The following DTX4 variants were observed in gnomAD, a reference collection of about 807,000 sequenced individuals.
DTX4 encodes the protein E3 ubiquitin-protein ligase DTX4.
In DTX4, 28 loss-of-function variants were observed where a neutral mutation model predicts 57.6. That is an observed-to-expected ratio of 0.49 (90% CI 0.36 to 0.67). The LOEUF (loss-of-function observed/expected upper bound fraction) is 0.67, where lower values mean the gene tolerates loss of function less well. Ranked by LOEUF, DTX4 falls within the 30% of genes least tolerant of loss-of-function variation. The probability of loss-of-function intolerance (pLI) is 0.00; values close to 1 mark genes in which losing one functional copy is unlikely to be tolerated. For missense variants in DTX4, 715 were observed against 836.8 expected (o/e 0.85, Z 1.80); for synonymous variants, 316 against 331.0 (o/e 0.95, Z 0.49).
In DTX4 at chr11:59,172,688, G is replaced by A; in HGVS notation, c.93G>A (p.Glu31=). 6.2e-7 allele frequency: 1 copy of A among 1,601,226 alleles called. No individual in the cohort carries two copies. The highest frequency in any genetic ancestry group is 2.3e-5 in the East Asian group (1 of 44,362). ...PYSPAVSHHI[E]AVVRAGPRAG... ...GCCCAGCGGTGAGCCACCACATCGAGGCGGTGGTCCGCGCCGGCCCCCGCG... is the reference window on the plus strand; with the variant it reads ...GCCCAGCGGTGAGCCACCACATCGAAGCGGTGGTCCGCGCCGGCCCCCGCG... The change falls in exon 1 of 9, where the codon GAG becomes GAA. Residue 31 remains glutamate, a synonymous_variant. Transcript: ENST00000227451.
chr11:59,200,370 C>T (rs778274331), intron 8 of DTX4, among the ~76,000 whole-genome samples: 8 of 152,110 alleles, frequency 5.3e-5, no homozygotes, highest in Non-Finnish European at 1.2e-4. Flanking sequence ...TTTCCTCTCT[C>T]GGGTATTAGT....
At chr11:59,190,793 G>C (rs1862587996) in intron 4 of DTX4, among the ~76,000 whole-genome samples, 2 of 152,218 alleles carry the variant, frequency 1.3e-5, no homozygotes, top group South Asian at 4.1e-4. Context: ...AGTTTGCAAA[G>C]TGCTGTTATC....
intron 8 of DTX4, among the ~76,000 whole-genome samples, chr11:59,202,254 A>G (rs906150996): frequency 4.6e-5 from 7 of 152,100 alleles, no homozygotes; most frequent in African/African-American, 1.7e-4. Context: ...TTCCTTGTAG[A>G]TTGAAGTATA....
rs747717755 is a variant in DTX4, at chr11:59,172,655, T to C, written c.60T>C (p.Arg20=). ...GGCTGAACGAGCACGGCCGCTGGCG[T>C]CCCTACAGCCCAGCGGTGAGCCACC... The part of the protein sequence containing the change: ...WEWLNEHGRW[R]PYSPAVSHHI... Residue 20 remains arginine, a synonymous_variant, in exon 1 of 9, where the codon CGT becomes CGC. Transcript: ENST00000227451. 6.3e-7 allele frequency: 1 copy of C among 1,594,120 alleles called. No homozygotes were observed. The highest frequency in any genetic ancestry group is 1.1e-5 in the South Asian group (1 of 89,348).
At chr11:59,191,842 A>T (rs1202975735) in intron 5 of DTX4, among the ~76,000 whole-genome samples, 1 of 152,256 alleles carries the variant, frequency 6.6e-6, no homozygotes, top group African/African-American at 2.4e-5. Flanking sequence ...AAACAGAAGG[A>T]CAGTGCATTG....
Position 59,204,715 on chromosome 11 carries a change from A to G in DTX4, c.1666A>G (p.Ile556Val). The G allele has an allele frequency of 6.2e-7, 1 of 1,613,580 alleles. No homozygotes were observed. The highest frequency in any genetic ancestry group is 1.3e-5 in the African/African-American group (1 of 74,986). Reference sequence around the variant, plus strand: ...GCTCGTGGCCTGGGATCGCCGCCTCATTTTTGCCATTGGCACCTCCAGCAC... The same window carrying G: ...GCTCGTGGCCTGGGATCGCCGCCTCGTTTTTGCCATTGGCACCTCCAGCAC... ...LLLVAWDRRL[I>V]FAIGTSSTTG... The change falls in exon 9 of 9, where the codon ATT (isoleucine) becomes GTT (valine). Residue 556 changes from isoleucine to valine, a missense_variant. Coordinates refer to ENST00000227451, the MANE Select transcript of DTX4 (RefSeq NM_015177.2).
intron 8 of DTX4, among the ~76,000 whole-genome samples, chr11:59,199,992 T>G (rs988174278): frequency 2.0e-5 from 3 of 152,180 alleles, no homozygotes; most frequent in African/African-American, 7.2e-5. Flanking sequence ...ACATTTAGTT[T>G]GTGTATTAGC....
intron 2 of DTX4, 83 bp downstream of exon 2, chr11:59,182,545 C>A: frequency 7.0e-7 from 1 of 1,438,808 alleles, no homozygotes; most frequent in Non-Finnish European, 9.1e-7. Context: ...GAAGGAGGGG[C>A]TGCCAAGACT....
intron 2 of DTX4, among the ~76,000 whole-genome samples, chr11:59,187,203 T>C (rs1406838599): frequency 2.0e-5 from 3 of 152,220 alleles, no homozygotes; most frequent in Admixed American, 6.5e-5. Context: ...TTATAAGGAT[T>C]ACGTAAACAC....
chr11:59,202,693 C>G (rs1464986085), intron 8 of DTX4, among the ~76,000 whole-genome samples: 2 of 152,170 alleles, frequency 1.3e-5, no homozygotes, highest in African/African-American at 2.4e-5. Flanking sequence ...ACCCCACCGC[C>G]CCTAGCCACT....
intron 6 of DTX4, among the ~76,000 whole-genome samples, chr11:59,192,921 AT>A (rs1862617943): frequency 2.0e-5 from 3 of 152,176 alleles, no homozygotes; most frequent in Admixed American, 2.0e-4. Flanking sequence ...ATAGGTGATC[AT>A]TCTCTCCTTA....
At chr11:59,196,949 C>G (rs1012512906) in intron 7 of DTX4, among the ~76,000 whole-genome samples, 2 of 152,120 alleles carry the variant, frequency 1.3e-5, no homozygotes, top group Non-Finnish European at 2.9e-5. Flanking sequence ...AAAACCATCC[C>G]CCACCACCCC....
At position 59,206,508 on chromosome 11, in the gene DTX4, C is replaced by CAT. The variant is rs1412393714; in HGVS notation, c.*1599_*1600insAT. On this transcript the variant is annotated 3_prime_UTR_variant, in exon 9 of 9. Coordinates refer to ENST00000227451, the MANE Select transcript of DTX4 (RefSeq NM_015177.2). ...TATACCTCATGTTTTGGGGGTTTGACGTATATATATATATATATATATGCA... is the reference window on the plus strand; with the variant it reads ...TATACCTCATGTTTTGGGGGTTTGACATGTATATATATATATATATATATGCA... 4.0e-5 allele frequency: 3 copies of CAT among 75,670 alleles called. No individual in the cohort carries two copies. Among genetic ancestry groups the CAT allele is most frequent in the South Asian group, 4.2e-4 (1 of 2,360 alleles). 4.7% of individuals were successfully genotyped at this position (75,670 alleles called of 1,614,324 possible).
intron 1 of DTX4, among the ~76,000 whole-genome samples, chr11:59,177,346 A>T (rs1220896604): frequency 1.3e-5 from 2 of 152,144 alleles, no homozygotes; most frequent in Non-Finnish European, 2.9e-5. Context: ...CTCAAACCTC[A>T]CTTGGAAAGC....
Position 59,189,331 on chromosome 11 carries a change from C to A in DTX4, c.1159+8C>A. ...AAAAACAAGCCAAGAAAGGTACCAG[C>A]CTCTTGTCTCGTGGGGTACTGAGAG... is the stretch of plus-strand genomic sequence containing the variant. On this transcript the variant is annotated splice_region_variant and intron_variant, in intron 4 of 8. Coordinates refer to ENST00000227451, the MANE Select transcript of DTX4 (RefSeq NM_015177.2). The A allele has an allele frequency of 6.5e-7, 1 of 1,531,004 alleles. No individual in the cohort carries two copies. The highest frequency in any genetic ancestry group is 2.0e-5 in the Admixed American group (1 of 49,130). 94.8% of individuals were successfully genotyped at this position (1,531,004 alleles called of 1,614,324 possible). A position where few individuals can be genotyped will look rare whatever the true frequency, so the allele number is the denominator to read the frequency against.
chr11:59,191,091 C>A, intron 4 of DTX4, 23 bp from the exon 5 acceptor site: 2 of 1,561,166 alleles, frequency 1.3e-6, no homozygotes, highest in Non-Finnish European at 1.7e-6. Flanking sequence ...CTTGGTGGCC[C>A]ACTGAACCTC....
At position 59,191,166 on chromosome 11, in the gene DTX4, A is replaced by T. The variant is rs896645080; in HGVS notation, c.1212A>T (p.Pro404=). ...AATATCTACAGAAAGTCCGGCACCC[A>T]CCAGATGAGGTGAGTTCAGGGTTAG... ...LKKYLQKVRH[P]PDEDCTICME... The change falls in exon 5 of 9, where the codon CCA becomes CCT. Residue 404 remains proline, a synonymous_variant. Coordinates refer to ENST00000227451, the MANE Select transcript of DTX4 (RefSeq NM_015177.2). The T allele has an allele frequency of 6.4e-7, 1 of 1,571,040 alleles. No homozygotes were observed. Among genetic ancestry groups the T allele is most frequent in the African/African-American group, 1.4e-5 (1 of 73,778 alleles).
chr11:59,181,942 A>T lies in DTX4; in HGVS notation c.415A>T (p.Thr139Ser). 6.2e-7 allele frequency: 1 copy of T among 1,613,824 alleles called. No individual in the cohort carries two copies. The highest frequency in any genetic ancestry group is 8.5e-7 in the Non-Finnish European group (1 of 1,179,824). Residue 139 changes from threonine to serine, a missense_variant, in exon 2 of 9, where the codon ACC becomes TCC. Thr to Ser is a moderately conservative substitution (Grantham distance 58, BLOSUM62 1). Coordinates refer to ENST00000227451, the MANE Select transcript of DTX4 (RefSeq NM_015177.2). ...IGFSYVIDFNTMGQINRQTQR... is the reference protein window; with the variant it reads ...IGFSYVIDFNSMGQINRQTQR... ...CTTTAGCTACGTAATTGACTTCAAC[A>T]CCATGGGCCAGATCAACCGTCAGAC...
At chr11:59,203,978 G>C (rs964167247) in intron 8 of DTX4, among the ~76,000 whole-genome samples, 1 of 152,170 alleles carries the variant, frequency 6.6e-6, no homozygotes, top group African/African-American at 2.4e-5. Flanking sequence ...ATTTTCACTG[G>C]ATGCTTTTTC....
Sources: gnomAD v4.1 joint callset for allele counts (sites outside exome capture counted in the v4.1 genomes callset) on GRCh38, gnomAD v4.1.1 for gene constraint, MANE v1.5 for transcripts, NCBI Gene and HGNC (gene_info 2026-07-23, HGNC 2026-07-21) for gene names.